The following RP1 variants were observed in gnomAD, a reference collection of about 807,000 sequenced individuals.
The protein encoded by RP1 is RP1 axonemal microtubule associated.
RP1 carries 16 observed loss-of-function variants against 14.8 expected under a neutral mutation model. The ratio of observed to expected loss-of-function variants is 1.08; its 90% CI spans 0.73 to 1.65. The LOEUF (loss-of-function observed/expected upper bound fraction) is 1.65. RP1 is among the 40% of genes most tolerant of loss of function. RP1 has a pLI of 0.00. For missense variants in RP1, 2,631 were observed against 2,535.0 expected, an observed-to-expected ratio of 1.04 and a Z score of -0.81; for synonymous variants, 876 against 883.6, an observed-to-expected ratio of 0.99 and a Z score of 0.15.
At chr8:54,841,400 CT>C (rs1378092397) in intron 25 of RP1, among the ~76,000 whole-genome samples, 1 of 152,146 alleles carries the variant, frequency 6.6e-6, no homozygotes, top group Non-Finnish European at 1.5e-5. Flanking sequence ...GGGTTGGGTA[CT>C]TTTTAATTTA....
intron 14 of RP1, among the ~76,000 whole-genome samples, chr8:54,704,416 G>A (rs963477997): frequency 6.6e-6 from 1 of 152,160 alleles, no homozygotes; most frequent in Non-Finnish European, 1.5e-5. Context: ...TGTCTTATAT[G>A]AGCATAGTTT....
Position 54,741,883 on chromosome 8 carries a change from T to C in RP1, c.2808+2854T>C, listed in dbSNP as rs1314269048. 2.0e-5 allele frequency among the ~76,000 whole-genome samples: 3 copies of C among 151,556 alleles called. No individual in the cohort carries two copies. In the East Asian group the frequency reaches 5.8e-4, roughly 29 times the overall value. On this transcript the variant is annotated intron_variant, in intron 19 of 22. Coordinates refer to the RP1 transcript ENST00000636932. Reference sequence around the variant, plus strand: ...CAATAATAATAATAATGAGTATTTGTTGAGTGCTTAACATATGCCACCTAC... The same window carrying C: ...CAATAATAATAATAATGAGTATTTGCTGAGTGCTTAACATATGCCACCTAC...
Position 54,630,468 on chromosome 8 carries a change from C to G in RP1, c.*115C>G, listed in dbSNP as rs537156218. ...GAATTTTCCACTTCTTCAAAATGAA[C>G]TTACTCTAGAAAGCTTACCCTTGGA... On this transcript the variant is annotated 3_prime_UTR_variant, in exon 4 of 4. Coordinates refer to ENST00000220676, the MANE Select transcript of RP1 (RefSeq NM_006269.2). The G allele has an allele frequency of 1.3e-6, 2 of 1,523,160 alleles. No individual in the cohort carries two copies. Among genetic ancestry groups the G allele is most frequent in the East Asian group, 2.4e-5 (1 of 41,236 alleles). The allele number at this position is 1,523,160 out of a possible 1,614,324, so 94.4% of individuals were successfully genotyped here.
rs35350138 is a variant in RP1 at position 54,670,703 on chromosome 8, AT to A, written c.1324-3146del. Among the ~76,000 whole-genome samples, 55 of 136,256 alleles carry A rather than the reference AT, an allele frequency of 4.0e-4. 4 individuals are homozygous for A. Among genetic ancestry groups the A allele is most frequent in the East Asian group, 1.5e-3 (7 of 4,710 alleles). The allele number at this position is 136,256 out of a possible 152,430, so 89.4% of individuals were successfully genotyped here. ...TATATATATATATATATATATATAT[AT>A]ATAAAACATTAAGTCCTGGTGAATT... On this transcript the variant is annotated intron_variant, in intron 7 of 22. Coordinates refer to the RP1 transcript ENST00000636932.
At chr8:54,674,216 G>T (rs1296387467) in intron 8 of RP1, among the ~76,000 whole-genome samples, 1 of 152,106 alleles carries the variant, frequency 6.6e-6, no homozygotes, top group African/African-American at 2.4e-5. Context: ...GTTGTGACAT[G>T]TGATGGCATT....
chr8:54,619,478 A>C (rs1393062313), intron 1 of RP1, among the ~76,000 whole-genome samples: 1 of 152,252 alleles, frequency 6.6e-6, no homozygotes, highest in Admixed American at 6.5e-5. Flanking sequence ...AATAATTAAA[A>C]TGATTTCAAA....
chr8:54,843,359 G>C (rs968381945), intron 25 of RP1, among the ~76,000 whole-genome samples: 1 of 152,194 alleles, frequency 6.6e-6, no homozygotes, highest in African/African-American at 2.4e-5. Flanking sequence ...TGGGATTACA[G>C]GTGTGAGCCA....
At chr8:54,741,268 G>A (rs1809078192) in intron 19 of RP1, among the ~76,000 whole-genome samples, 3 of 152,000 alleles carry the variant, frequency 2.0e-5, no homozygotes, top group Admixed American at 6.5e-5. Context: ...AATGTCCTAG[G>A]CCTTCACATT....
At position 54,729,316 on chromosome 8, in the gene RP1, G is replaced by C. The variant is rs543580264; in HGVS notation, c.2521+2840G>C. ...GCCAGTCCATCATCTGTTTGTGGTG[G>C]CATGTTCTACAGTGTTGCCAGGCAA... is the stretch of plus-strand genomic sequence containing the variant. On this transcript the variant is annotated intron_variant, in intron 17 of 22. Coordinates refer to the RP1 transcript ENST00000636932. Among the ~76,000 whole-genome samples, 5 of 152,146 alleles carry C rather than the reference G, an allele frequency of 3.3e-5. No homozygotes were observed. The South Asian group carries it at 1.0e-3, about 31-fold the overall frequency.
chr8:54,603,946 G>A (rs1291656990), intron 1 of RP1, among the ~76,000 whole-genome samples: 15 of 152,172 alleles, frequency 9.9e-5, no homozygotes, highest in Non-Finnish European at 1.5e-4. Context: ...GGACTGAGAC[G>A]ATGGGGTTTT....
chr8:54,754,259 CT>C (rs1226666851), intron 19 of RP1, among the ~76,000 whole-genome samples: 11 of 150,648 alleles, frequency 7.3e-5, no homozygotes, highest in Non-Finnish European at 1.0e-4. Context: ...AAGGCATTCA[CT>C]TTTTTTTTCA....
intron 19 of RP1, chr8:54,739,059 A>T: frequency 1.4e-6 from 2 of 1,458,104 alleles, no homozygotes; most frequent in Non-Finnish European, 1.8e-6. Flanking sequence ...TTTTCTTCAT[A>T]GTTATTCTCT....
chr8:54,701,717 C>A, intron 14 of RP1: 1 of 1,469,318 alleles, frequency 6.8e-7, no homozygotes. Context: ...CTTTCTTTTG[C>A]CCTATTGAGC....
chr8:54,809,293 A>G (rs540780114), intron 24 of RP1, among the ~76,000 whole-genome samples: 2 of 152,276 alleles, frequency 1.3e-5, no homozygotes, highest in South Asian at 4.2e-4. Context: ...TTACTCATAC[A>G]TTCTCTTTCT....
intron 12 of RP1, among the ~76,000 whole-genome samples, chr8:54,694,617 G>C (rs1339781581): frequency 6.6e-6 from 1 of 152,094 alleles, no homozygotes; most frequent in Non-Finnish European, 1.5e-5. Context: ...AGAGGTGTTT[G>C]TAGTATTCTC....
Position 54,670,704 on chromosome 8 carries a change from T to C in RP1, c.1324-3146T>C, listed in dbSNP as rs926336101. Among the ~76,000 whole-genome samples the C allele has an allele frequency of 1.3e-4, 15 of 114,508 alleles. No individual in the cohort carries two copies. The East Asian group carries it at 3.5e-3, about 26-fold the overall frequency. The allele number at this position is 114,508 out of a possible 152,430, so 75.1% of individuals were successfully genotyped here. A position where few individuals can be genotyped will look rare whatever the true frequency, so the allele number is the denominator to read the frequency against. On this transcript the variant is annotated intron_variant, in intron 7 of 22. Coordinates refer to the RP1 transcript ENST00000636932. ...ATATATATATATATATATATATATA[T>C]ATAAAACATTAAGTCCTGGTGAATT...
chr8:54,822,819 A>G (rs1471439102), intron 24 of RP1, among the ~76,000 whole-genome samples: 1 of 152,266 alleles, frequency 6.6e-6, no homozygotes, highest in African/African-American at 2.4e-5. Flanking sequence ...CCAAATACCT[A>G]GAGGAGAGCT....
At chr8:54,636,081 T>C (rs1483233548) in intron 3 of RP1, among the ~76,000 whole-genome samples, 1 of 152,178 alleles carries the variant, frequency 6.6e-6, no homozygotes, top group Non-Finnish European at 1.5e-5. Flanking sequence ...AACACTTATG[T>C]TTTGCGCATT....
At chr8:54,577,211 T>C (rs369946894) in intron 1 of RP1, among the ~76,000 whole-genome samples, 12 of 152,172 alleles carry the variant, frequency 7.9e-5, no homozygotes, top group East Asian at 5.8e-4. Flanking sequence ...AGATGGTGTT[T>C]CATCAAGTTG....
Sources: gnomAD v4.1 joint callset for allele counts (sites outside exome capture counted in the v4.1 genomes callset) on GRCh38, gnomAD v4.1.1 for gene constraint, MANE v1.5 for transcripts, NCBI Gene and HGNC (gene_info 2026-07-23, HGNC 2026-07-21) for gene names.